The following PBX3 variants were observed in gnomAD, a reference collection of about 807,000 sequenced individuals.
PBX3 encodes PBX homeobox 3, also known as pre-B-cell leukemia transcription factor 3.
PBX3 carries 14 observed loss-of-function variants against 48.5 expected under a neutral mutation model. The observed-to-expected ratio is 0.29, with a 90% CI of 0.19 to 0.45. The LOEUF is 0.45. Among genes scored for constraint, PBX3 ranks in the 20% least tolerant of loss-of-function variants. The pLI is 1.00. For synonymous variants in PBX3, 210 were observed against 200.3 expected, an observed-to-expected ratio of 1.05 and a Z score of -0.41; for missense variants, 386 against 546.7, an observed-to-expected ratio of 0.71 and a Z score of 2.93.
At chr9:125,924,444 A>G (rs1396417645) in intron 3 of PBX3, among the ~76,000 whole-genome samples, 2 of 152,202 alleles carry the variant, frequency 1.3e-5, no homozygotes, top group Non-Finnish European at 2.9e-5. Flanking sequence ...AATTGTGAAT[A>G]CTATTTTTTG....
chr9:125,834,641 G>A (rs569321433), intron 2 of PBX3, among the ~76,000 whole-genome samples: 7 of 151,042 alleles, frequency 4.6e-5, no homozygotes, highest in Admixed American at 1.3e-4. Flanking sequence ...CAGGTGATCC[G>A]CCCACCTCTG....
chr9:125,755,315 A>G (rs953379266), intron 2 of PBX3, among the ~76,000 whole-genome samples: 2 of 152,194 alleles, frequency 1.3e-5, no homozygotes, highest in Non-Finnish European at 2.9e-5. Flanking sequence ...ATTATCTGCA[A>G]CAGTCTAAAT....
intron 2 of PBX3, among the ~76,000 whole-genome samples, chr9:125,855,732 A>T (rs1466632310): frequency 6.6e-6 from 1 of 152,176 alleles, no homozygotes; most frequent in African/African-American, 2.4e-5. Context: ...GAACCAAATG[A>T]GGGCAATAAA....
intron 2 of PBX3, among the ~76,000 whole-genome samples, chr9:125,871,510 A>G (rs1840125489): frequency 6.6e-6 from 1 of 152,250 alleles, no homozygotes; most frequent in Non-Finnish European, 1.5e-5. Flanking sequence ...ATTCAAGAAC[A>G]TAATAGCACA....
chr9:125,824,014 C>T (rs530654174), intron 2 of PBX3, among the ~76,000 whole-genome samples: 12 of 150,612 alleles, frequency 8.0e-5, no homozygotes, highest in East Asian at 2.0e-4. Context: ...AGTCAGAGGT[C>T]GCAGTGAGCT....
intron 2 of PBX3, among the ~76,000 whole-genome samples, chr9:125,802,099 T>G (rs1837967957): frequency 6.6e-6 from 1 of 152,120 alleles, no homozygotes; most frequent in Admixed American, 6.6e-5. Flanking sequence ...TTTTTATTCC[T>G]AATTTTATAA....
At chr9:125,939,232 C>A (rs1404509869) in intron 5 of PBX3, among the ~76,000 whole-genome samples, 1 of 151,798 alleles carries the variant, frequency 6.6e-6, no homozygotes, top group East Asian at 1.9e-4. Flanking sequence ...GATTAAAATC[C>A]AAAATATATA....
chr9:125,820,185 A>G (rs554160579), intron 2 of PBX3, among the ~76,000 whole-genome samples: 2 of 152,352 alleles, frequency 1.3e-5, no homozygotes, highest in East Asian at 3.9e-4. Context: ...CTATTAGTTT[A>G]GTCTTAGTGT....
intron 2 of PBX3, among the ~76,000 whole-genome samples, chr9:125,799,570 A>T (rs1837880200): frequency 6.6e-6 from 1 of 152,188 alleles, no homozygotes; most frequent in Non-Finnish European, 1.5e-5. Context: ...AAGTGTGAAC[A>T]TTTTTTCTTC....
In PBX3 at chr9:125,839,938, AGAAACCT is replaced by A. The variant is rs534026656; in HGVS notation, c.275-75746_275-75740del. On this transcript the variant is annotated intron_variant, in intron 2 of 8. Transcript: ENST00000373489. ...TTCTTAGTATAAAGCAAAAGCTTTC[AGAAACCT>A]GTACAGTGTTCTATTATCTGTCAGT... Among the ~76,000 whole-genome samples the A allele has an allele frequency of 2.1e-3, 327 of 152,306 alleles. 2 individuals carry two copies. The highest frequency in any genetic ancestry group is 7.5e-3 in the African/African-American group (310 of 41,580).
At chr9:125,795,661 A>C (rs1336721921) in intron 2 of PBX3, among the ~76,000 whole-genome samples, 1 of 152,152 alleles carries the variant, frequency 6.6e-6, no homozygotes, top group Non-Finnish European at 1.5e-5. Context: ...CTTTACCCAG[A>C]GGCACTGTTT....
chr9:125,790,861 A>G (rs752597881), intron 2 of PBX3, among the ~76,000 whole-genome samples: 5 of 151,876 alleles, frequency 3.3e-5, no homozygotes, highest in Non-Finnish European at 7.4e-5. Context: ...GCTGAATTCA[A>G]TTGTAGTCTT....
intron 5 of PBX3, chr9:125,949,303 G>T: frequency 6.5e-7 from 1 of 1,539,702 alleles, no homozygotes. Flanking sequence ...CTAGTACAGG[G>T]CCTGGCATCT....
At chr9:125,960,459 C>T (rs1161711008) in intron 5 of PBX3, among the ~76,000 whole-genome samples, 1 of 152,170 alleles carries the variant, frequency 6.6e-6, no homozygotes, top group East Asian at 1.9e-4. Context: ...TTTGGTATTA[C>T]TGTGGCCAAC....
intron 2 of PBX3, among the ~76,000 whole-genome samples, chr9:125,856,496 G>A (rs1001054512): frequency 1.3e-5 from 2 of 152,196 alleles, no homozygotes; most frequent in African/African-American, 2.4e-5. Context: ...TGCAGTGATC[G>A]GGGTAATGAG....
intron 6 of PBX3, among the ~76,000 whole-genome samples, chr9:125,961,092 GCTTTCAGTTCAGTAA>G (rs143297743): frequency 2.2e-4 from 33 of 152,364 alleles, no homozygotes; most frequent in Non-Finnish European, 4.1e-4. Flanking sequence ...ATTAGTAGTG[GCTTTCAGTTCAGTAA>G]TTAGGCAGAG....
intron 3 of PBX3, among the ~76,000 whole-genome samples, chr9:125,927,491 A>C (rs1199787014): frequency 6.6e-6 from 1 of 152,208 alleles, no homozygotes; most frequent in Non-Finnish European, 1.5e-5. Context: ...ATATGTGAGC[A>C]ATGTTTGGGA....
chr9:125,804,962 AAAAAG>A (rs1237457995), intron 2 of PBX3, among the ~76,000 whole-genome samples: 1 of 62,382 alleles, frequency 1.6e-5, no homozygotes, highest in Non-Finnish European at 4.6e-5. Flanking sequence ...AAAAAAAAAA[AAAAAG>A]AAGAAGAAGA....
chr9:125,864,726 G>T (rs1186926694), intron 2 of PBX3, among the ~76,000 whole-genome samples: 1 of 152,180 alleles, frequency 6.6e-6, no homozygotes, highest in African/African-American at 2.4e-5. Context: ...GTGGTAATGC[G>T]ATGGGGAGTG....
Sources: allele counts gnomAD v4.1 joint callset (sites outside exome capture counted in the v4.1 genomes callset), GRCh38; gene constraint gnomAD v4.1.1; transcripts MANE v1.5; gene names NCBI Gene and HGNC (gene_info 2026-07-23, HGNC 2026-07-21).